Variants in APTX observed in about 807,000 individuals in gnomAD.
APTX encodes forkhead-associated domain histidine triad-like protein.
APTX carries 33 observed loss-of-function variants against 42.3 expected under a neutral mutation model. The ratio of observed to expected loss-of-function variants is 0.78; its 90% confidence interval spans 0.59 to 1.04. The LOEUF (loss-of-function observed/expected upper bound fraction) is 1.04. Among genes scored for constraint, APTX ranks in the 50% least tolerant of loss-of-function variants. The pLI is 0.00. For synonymous variants in APTX, 130 were observed against 146.7 expected (o/e 0.89, Z 0.82); for missense variants, 421 against 415.1 (o/e 1.01, Z -0.12).
upstream of APTX, among the ~76,000 whole-genome samples, chr9:33,003,224 T>C (rs1256263434): frequency 6.6e-6 from 1 of 152,226 alleles, no homozygotes; most frequent in African/African-American, 2.4e-5. Context: ...TGGGCAGAGT[T>C]TCCACGTCCT....
intron 1 of APTX, among the ~76,000 whole-genome samples, chr9:33,001,153 T>C (rs1281861794): frequency 6.0e-5 from 9 of 150,882 alleles, no homozygotes; most frequent in Non-Finnish European, 3.0e-5. Context: ...GGCCAAGGAC[T>C]GCTTCTTCTG....
rs539740492 is a variant in APTX at position 32,974,319 on chromosome 9, C to CA, written c.874+138dup. The CA allele has an allele frequency of 9.5e-4, 629 of 659,148 alleles. 3 individuals carry two copies. In the African/African-American group the frequency reaches 9.9e-3, roughly 10 times the overall value. 40.8% of individuals were successfully genotyped at this position (659,148 alleles called of 1,614,324 possible). ...CAATCCAAATAATCCAGTTTCTTTT[C>CA]ACAGGGCTCGCTTTATAGGGAACAC... On this transcript the variant is annotated intron_variant, in intron 7 of 7. Transcript: ENST00000379817.
At chr9:32,985,307 C>T (rs569381448) in intron 5 of APTX, among the ~76,000 whole-genome samples, 17 of 149,960 alleles carry the variant, frequency 1.1e-4, no homozygotes, top group African/African-American at 3.4e-4. Context: ...GACTCAAAGG[C>T]TCCTCAAGGA....
chr9:32,996,307 C>T (rs1323906568), intron 1 of APTX, among the ~76,000 whole-genome samples: 3 of 145,884 alleles, frequency 2.1e-5, no homozygotes, highest in African/African-American at 5.1e-5. Context: ...GACAGGGTCT[C>T]ACTCTGTTGC....
Position 32,973,457 on chromosome 9 carries a change from C to G in APTX, c.*41G>C, listed in dbSNP as rs1469870542. 3 of 1,608,478 alleles carry G rather than the reference C, an allele frequency of 1.9e-6. No individual in the cohort carries two copies. Among genetic ancestry groups the G allele is most frequent in the Non-Finnish European group, 2.6e-6 (3 of 1,176,000 alleles). The stretch of plus-strand genomic sequence containing the variant: ...CCAGAATAGGTGCCAGCAGTTTGCT[C>G]CAGTGGGCCACACCACAGCAGCAGC... On this transcript the variant is annotated 3_prime_UTR_variant, in exon 8 of 8. Transcript: ENST00000379817.
rs534372582 is a variant in APTX at position 33,014,299 on chromosome 9, A to G, written c.-5+10724T>C. On this transcript the variant is annotated intron_variant, in intron 1 of 6. Coordinates refer to the APTX transcript ENST00000436040. ...CCACTACCACCACCAGCAAGTGTGT[A>G]TGAACAAACACCCCTGGCCTCACTC... Among the ~76,000 whole-genome samples, 10 of 152,360 alleles carry G rather than the reference A, an allele frequency of 6.6e-5. No individual in the cohort carries two copies. The South Asian group carries it at 2.1e-3, about 32-fold the overall frequency.
chr9:32,988,104 C>T lies in APTX; in HGVS notation c.159G>A (p.Lys53=), dbSNP rs1207705618. Residue 53 remains lysine (K), a synonymous_variant, in exon 3 of 8, where the codon AAG becomes AAA. Transcript: ENST00000379817. Reference sequence around the variant, plus strand: ...CTACCTGCTTTACCTTGACATATCCCTTGTTACACTCTGCTTTCAACTGTA... The same window carrying T: ...CTACCTGCTTTACCTTGACATATCCTTTGTTACACTCTGCTTTCAACTGTA... ...QQVQLKAECN[K]GYVKVKQVGV... is the part of the protein sequence containing the mutation. The T allele has an allele frequency of 6.2e-7, 1 of 1,614,120 alleles. No individual in the cohort carries two copies. The highest frequency in any genetic ancestry group is 8.5e-7 in the Non-Finnish European group (1 of 1,179,976).
chr9:32,974,873 A>G (rs1243166140), intron 6 of APTX, among the ~76,000 whole-genome samples: 1 of 152,222 alleles, frequency 6.6e-6, no homozygotes, highest in Non-Finnish European at 1.5e-5. Flanking sequence ...ATAATAAATA[A>G]GCAAACAAAT....
chr9:32,984,555 C>G (rs548971141), intron 6 of APTX, 76 bp downstream of exon 6: 1 of 1,477,754 alleles, frequency 6.8e-7, no homozygotes, highest in African/African-American at 1.4e-5. Flanking sequence ...AATATGTGCC[C>G]TCAGCAAGCC....
chr9:32,974,472 A>T lies in APTX; in HGVS notation c.860T>A (p.Phe287Tyr). ...KHWNSFNTEY[F>Y]LESQAVIEMV... Reference sequence around the variant, plus strand: ...ACACTGTTTACCTTGTGATTCTAGGAAGTATTCTGTATTGAAAGAATTCCA... The same window carrying T: ...ACACTGTTTACCTTGTGATTCTAGGTAGTATTCTGTATTGAAAGAATTCCA... The change falls in exon 7 of 8, where the codon TTC becomes TAC. Residue 287 changes from phenylalanine (F) to tyrosine (Y), a missense_variant. Phe to Tyr is a conservative substitution (Grantham distance 22, BLOSUM62 3). Transcript: ENST00000379817. 6.3e-7 allele frequency: 1 copy of T among 1,584,704 alleles called. No individual in the cohort carries two copies. The highest frequency in any genetic ancestry group is 8.7e-7 in the Non-Finnish European group (1 of 1,153,608).
chr9:33,009,418 C>T (rs908918880), intron 1 of APTX, among the ~76,000 whole-genome samples: 13 of 152,098 alleles, frequency 8.5e-5, no homozygotes, highest in African/African-American at 2.9e-4. Context: ...CCTTGATGTT[C>T]GTGCTATTCT....
In APTX at chr9:32,975,429, C is replaced by T. The variant is rs564761445; in HGVS notation, c.771-868G>A. Among the ~76,000 whole-genome samples, 9 of 152,218 alleles carry T rather than the reference C, an allele frequency of 5.9e-5. No homozygotes were observed. In the South Asian group the frequency reaches 8.3e-4, roughly 14 times the overall value. On this transcript the variant is annotated intron_variant, in intron 6 of 7. Coordinates refer to ENST00000379817, the MANE Select transcript of APTX (RefSeq NM_001195248.2). Reference sequence around the variant, plus strand: ...ATTCTTTTGAAAATGCAACCAGGTGCGGCGGCTCACGCCTGTAATCCCAGC... The same window carrying T: ...ATTCTTTTGAAAATGCAACCAGGTGTGGCGGCTCACGCCTGTAATCCCAGC...
At chr9:32,977,882 T>C (rs986795593) in intron 6 of APTX, among the ~76,000 whole-genome samples, 5 of 151,956 alleles carry the variant, frequency 3.3e-5, no homozygotes, top group Non-Finnish European at 7.4e-5. Flanking sequence ...AATTATCATA[T>C]GGTCTCTGAT....
intron 1 of APTX, among the ~76,000 whole-genome samples, chr9:33,024,278 G>T (rs1429174460): frequency 1.3e-5 from 2 of 152,212 alleles, no homozygotes; most frequent in South Asian, 4.1e-4. Context: ...GTCCCAAAGT[G>T]CTGGGATTAC....
At chr9:33,001,349 C>A in intron 1 of APTX, 1 of 1,527,598 alleles carries the variant, frequency 6.5e-7, no homozygotes, top group Non-Finnish European at 8.7e-7. Context: ...CGGGAGCACA[C>A]GTGAACAAAC....
chr9:32,982,708 A>G (rs1334361054), intron 6 of APTX, among the ~76,000 whole-genome samples: 10 of 152,304 alleles, frequency 6.6e-5, no homozygotes, highest in African/African-American at 2.4e-4. Context: ...TAGCACGACA[A>G]CATTCACTGT....
chr9:33,022,201 A>G (rs1380219835), intron 1 of APTX, among the ~76,000 whole-genome samples: 1 of 152,222 alleles, frequency 6.6e-6, no homozygotes, highest in Non-Finnish European at 1.5e-5. Flanking sequence ...ATTGTAACAC[A>G]TGACAGACTA....
chr9:33,023,723 G>A (rs547367695), intron 1 of APTX, among the ~76,000 whole-genome samples: 2 of 152,258 alleles, frequency 1.3e-5, no homozygotes, highest in African/African-American at 4.8e-5. Context: ...GGAAACTGCG[G>A]ATAGTTCTGT....
At chr9:33,024,169 A>G (rs1422481111) in intron 1 of APTX, among the ~76,000 whole-genome samples, 1 of 152,212 alleles carries the variant, frequency 6.6e-6, no homozygotes, top group Non-Finnish European at 1.5e-5. Context: ...TCAACTCTGC[A>G]TCTCCAGTTC....
Sources: allele counts gnomAD v4.1 joint callset (sites outside exome capture counted in the v4.1 genomes callset), GRCh38; gene constraint gnomAD v4.1.1; transcripts MANE v1.5; gene names NCBI Gene and HGNC (gene_info 2026-07-23, HGNC 2026-07-21).